Variants in ADCK2 observed in about 807,000 individuals in gnomAD.
The protein encoded by ADCK2 is aarF domain containing kinase 2.
ADCK2 carries 37 observed loss-of-function variants against 52.3 expected under a neutral mutation model. That is an observed-to-expected ratio of 0.71 (90% CI 0.54 to 0.93). The LOEUF is 0.93. ADCK2 is among the 40% of genes least tolerant of loss of function. The probability of loss-of-function intolerance (pLI) is 0.00; values close to 1 mark genes in which losing one functional copy is unlikely to be tolerated. For synonymous variants in ADCK2, 321 were observed against 349.2 expected, an observed-to-expected ratio of 0.92 and a Z score of 0.90; for missense variants, 695 against 798.7, an observed-to-expected ratio of 0.87 and a Z score of 1.56.
chr7:140,694,794 C>T lies in ADCK2; in HGVS notation c.1872C>T (p.Cys624=), dbSNP rs765882757. The T allele has an allele frequency of 4.3e-6, 7 of 1,611,762 alleles. No homozygotes were observed. The highest frequency in any genetic ancestry group is 2.2e-5 in the South Asian group (2 of 90,666). Residue 624 remains cysteine, a synonymous_variant, in exon 8 of 8, where the codon TGC becomes TGT. Transcript: ENST00000072869. ...ARPFLLTGPV[C]PP ...CCTTCCTCCTCACGGGCCCAGTGTG[C>T]CCCCCGTGATGGGGCAGTGGCCTCT...
rs1291452991 is a variant in ADCK2, at chr7:140,677,931, TG to T, written c.1081-1221del. ...TGGGATGTCGAGCACTATATGGAGTTGGGTGAGGCCAGGTCTTGGGTGGTAA... is the reference window on the plus strand; with the variant it reads ...TGGGATGTCGAGCACTATATGGAGTTGGTGAGGCCAGGTCTTGGGTGGTAA... On this transcript the variant is annotated intron_variant, in intron 2 of 7. Coordinates refer to ENST00000072869, the MANE Select transcript of ADCK2 (RefSeq NM_052853.4). 4.6e-5 allele frequency among the ~76,000 whole-genome samples: 7 copies of T among 152,122 alleles called. No homozygotes were observed. In the East Asian group the frequency reaches 1.4e-3, roughly 29 times the overall value.
chr7:140,679,383 A>T, intron 3 of ADCK2, 100 bp downstream of exon 3: 1 of 1,515,594 alleles, frequency 6.6e-7, no homozygotes, highest in African/African-American at 1.4e-5. Flanking sequence ...AGAGGATGGG[A>T]TTTGTGTCTG....
In ADCK2 at chr7:140,673,278, G is replaced by A. The variant is rs1266336853; in HGVS notation, c.-53G>A. On this transcript the variant is annotated 5_prime_UTR_variant, in exon 1 of 8. Coordinates refer to ENST00000072869, the MANE Select transcript of ADCK2 (RefSeq NM_052853.4). The surrounding 1 kb of genome is among the most constrained non-coding windows in gnomAD (Gnocchi z 6.4). Reference sequence around the variant, plus strand: ...TCGGCTTCACCGCAGCCTCGCCTGAGCGGGCGCCTCTGAAGTGGAGGGCGG... The same window carrying A: ...TCGGCTTCACCGCAGCCTCGCCTGAACGGGCGCCTCTGAAGTGGAGGGCGG... 7.2e-7 allele frequency: 1 copy of A among 1,385,622 alleles called. No individual in the cohort carries two copies. The highest frequency in any genetic ancestry group is 9.4e-7 in the Non-Finnish European group (1 of 1,066,032). The allele number at this position is 1,385,622 out of a possible 1,614,324, so 85.8% of individuals were successfully genotyped here. A position where few individuals can be genotyped will look rare whatever the true frequency, so the allele number is the denominator to read the frequency against.
chr7:140,686,872 C>T (rs770256601), intron 4 of ADCK2, 118 bp from the exon 5 acceptor site: 19 of 1,363,348 alleles, frequency 1.4e-5, no homozygotes, highest in Non-Finnish European at 1.8e-5. Context: ...AGGACATGCA[C>T]CTCTTTGCGG....
intron 7 of ADCK2, among the ~76,000 whole-genome samples, chr7:140,691,567 C>T (rs1794702888): frequency 6.6e-6 from 1 of 152,130 alleles, no homozygotes; most frequent in African/African-American, 2.4e-5. Context: ...TGCTGTAGTC[C>T]ATTAGAGGGA....
Position 140,687,186 on chromosome 7 carries a change from A to G in ADCK2, c.1502A>G (p.Gln501Arg). The change falls in exon 5 of 8, where the codon CAG becomes CGG. Residue 501 changes from glutamine to arginine, a missense_variant. Gln to Arg is a conservative substitution (Grantham distance 43). Coordinates refer to ENST00000072869, the MANE Select transcript of ADCK2 (RefSeq NM_052853.4). ...GATGCTGGCATTGTGGCGGAGCTGCAGGCCCCTGACCTGAGGAATTTCCGG... is the reference window on the plus strand; with the variant it reads ...GATGCTGGCATTGTGGCGGAGCTGCGGGCCCCTGACCTGAGGAATTTCCGG... ...LLDAGIVAEL[Q>R]APDLRNFRAV... The G allele has an allele frequency of 6.3e-7, 1 of 1,594,442 alleles. No homozygotes were observed. Among genetic ancestry groups the G allele is most frequent in the South Asian group, 1.1e-5 (1 of 89,068 alleles).
chr7:140,686,238 T>C (rs897892652), intron 4 of ADCK2, among the ~76,000 whole-genome samples: 1 of 152,240 alleles, frequency 6.6e-6, no homozygotes, highest in Non-Finnish European at 1.5e-5. Context: ...GCATTTCAAA[T>C]GCAGTTTGGC....
chr7:140,682,447 G>T (rs1033226293), intron 4 of ADCK2, among the ~76,000 whole-genome samples: 1 of 152,140 alleles, frequency 6.6e-6, no homozygotes, highest in Non-Finnish European at 1.5e-5. Flanking sequence ...TTTGAAGGAG[G>T]GGGCAGTGAT....
intron 6 of ADCK2, 49 bp downstream of exon 6, chr7:140,689,774 T>G: frequency 6.4e-7 from 1 of 1,552,318 alleles, no homozygotes; most frequent in Non-Finnish European, 8.7e-7. Flanking sequence ...ATACCTGGCC[T>G]GGGGCAGAGC....
intron 2 of ADCK2, among the ~76,000 whole-genome samples, chr7:140,676,040 A>ATT (rs1794407670): frequency 6.6e-6 from 1 of 152,224 alleles, no homozygotes; most frequent in Non-Finnish European, 1.5e-5. Flanking sequence ...AATGTTTAGA[A>ATT]AGTCTCTTAG....
In ADCK2 at chr7:140,674,593, G is replaced by A. The variant is rs746487302; in HGVS notation, c.934-18G>A. 37 of 1,601,304 alleles carry A rather than the reference G, an allele frequency of 2.3e-5. No homozygotes were observed. In the East Asian group the frequency reaches 7.4e-4, roughly 32 times the overall value. On this transcript the variant is annotated intron_variant, in intron 1 of 7. Coordinates refer to ENST00000072869, the MANE Select transcript of ADCK2 (RefSeq NM_052853.4). The surrounding 1 kb of genome is among the most constrained non-coding windows in gnomAD (Gnocchi z 4.6). ...GTCCAGCAGGTTTCTCCTGTCTCACGGTTCCTCTTTCTGACAGGTGTTGCA... is the reference window on the plus strand; with the variant it reads ...GTCCAGCAGGTTTCTCCTGTCTCACAGTTCCTCTTTCTGACAGGTGTTGCA...
Position 140,678,165 on chromosome 7 carries a change from T to TG in ADCK2, c.1081-985dup, listed in dbSNP as rs1247019908. Among the ~76,000 whole-genome samples the TG allele has an allele frequency of 6.6e-6, 1 of 151,994 alleles. No homozygotes were observed. The highest frequency in any genetic ancestry group is 2.1e-4 in the South Asian group (1 of 4,826). On this transcript the variant is annotated intron_variant, in intron 2 of 7. Coordinates refer to ENST00000072869, the MANE Select transcript of ADCK2 (RefSeq NM_052853.4). This position sits in a 1 kb window ranked among gnomAD's most constrained non-coding sequence, Gnocchi z 4.9. ...AGGGCATGCGCCTTGGGAGTGGCAT[T>TG]GGGGGACAGGGACTGATCTGAGGGC...
intron 3 of ADCK2, 70 bp downstream of exon 3, chr7:140,679,353 A>G (rs761381625): frequency 1.9e-6 from 3 of 1,586,700 alleles, no homozygotes; most frequent in Non-Finnish European, 2.6e-6. Flanking sequence ...TCCAGCCCAC[A>G]GAAAGGCTTC....
intron 6 of ADCK2, 48 bp downstream of exon 6, chr7:140,689,773 C>A: frequency 1.3e-6 from 2 of 1,553,650 alleles, no homozygotes; most frequent in Non-Finnish European, 1.7e-6. Flanking sequence ...CATACCTGGC[C>A]TGGGGCAGAG....
chr7:140,688,192 T>G (rs1333667602), intron 5 of ADCK2, among the ~76,000 whole-genome samples: 5 of 152,180 alleles, frequency 3.3e-5, no homozygotes, highest in African/African-American at 7.2e-5. Flanking sequence ...TACAGGCACA[T>G]GCCACCATGC....
chr7:140,677,176 G>T (rs1027677743), intron 2 of ADCK2, among the ~76,000 whole-genome samples: 1 of 152,172 alleles, frequency 6.6e-6, no homozygotes, highest in Admixed American at 6.5e-5. Context: ...GGGAGGCGGC[G>T]TCAGGTGGAT....
rs1195969083 is a variant in ADCK2, at chr7:140,681,137, G to A, written c.1305G>A (p.Met435Ile). The change falls in exon 4 of 8, where the codon ATG (methionine) becomes ATA (isoleucine). Residue 435 changes from methionine to isoleucine, a missense_variant and splice_region_variant. Transcript: ENST00000072869. ...TGGGGATCAACATGCTCCTGAAGAT[G>A]GTGAGCTCATGGCTGGAGCGGGCTC... The part of the protein sequence containing the change: ...ARLGINMLLK[M>I]IFVDNFVHAD... 2 of 1,614,008 alleles carry A rather than the reference G, an allele frequency of 1.2e-6. No individual in the cohort carries two copies. Among genetic ancestry groups the A allele is most frequent in the Non-Finnish European group, 1.7e-6 (2 of 1,179,926 alleles).
intron 4 of ADCK2, among the ~76,000 whole-genome samples, chr7:140,684,449 A>G (rs1310088984): frequency 6.6e-6 from 1 of 152,066 alleles, no homozygotes; most frequent in Non-Finnish European, 1.5e-5. Flanking sequence ...GGGGGTCTGG[A>G]CTTTCTGGTG....
intron 7 of ADCK2, among the ~76,000 whole-genome samples, chr7:140,694,015 T>C (rs1053839711): frequency 3.3e-5 from 5 of 152,204 alleles, no homozygotes; most frequent in Admixed American, 6.5e-5. Context: ...GGCCTGTGTG[T>C]TGTCTCTTAA....
Sources: gnomAD v4.1 joint callset for allele counts (sites outside exome capture counted in the v4.1 genomes callset) on GRCh38, gnomAD v4.1.1 for gene constraint, Gnocchi (gnomAD v3.1) non-coding constraint, MANE v1.5 for transcripts, NCBI Gene and HGNC (gene_info 2026-07-23, HGNC 2026-07-21) for gene names.